Variants in AHCTF1 observed in about 807,000 individuals in gnomAD.
The protein encoded by AHCTF1 is AT-hook containing transcription factor 1.
Under a neutral mutation model 248.4 loss-of-function variants are expected in AHCTF1, and 24 were observed. The ratio of observed to expected loss-of-function variants is 0.10; its 90% CI spans 0.07 to 0.14. The LOEUF is 0.14. Ranked by LOEUF, AHCTF1 falls within the 10% of genes least tolerant of loss-of-function variation. The pLI, the probability that AHCTF1 is intolerant of heterozygous loss-of-function variation, is 1.00. For synonymous variants in AHCTF1, 786 were observed against 929.8 expected (o/e 0.85, Z 2.81); for missense variants, 2,206 against 2,636.2 (o/e 0.84, Z 3.57).
At chr1:246,925,740 T>G (rs7550911) in intron 1 of AHCTF1, among the ~76,000 whole-genome samples, 4,019 of 152,194 alleles carry the variant, frequency 0.026, 182 homozygotes, top group African/African-American at 0.093. Flanking sequence ...AGAGGACCCC[T>G]CATGAATGGG....
At chr1:246,853,067 A>C in intron 32 of AHCTF1, 24 bp downstream of exon 32, 1 of 1,566,500 alleles carries the variant, frequency 6.4e-7, no homozygotes, top group Non-Finnish European at 8.7e-7. Context: ...ACTGATAAAG[A>C]AGTAAAAAAT....
intron 1 of AHCTF1, among the ~76,000 whole-genome samples, chr1:246,929,108 G>T (rs1199704020): frequency 6.6e-6 from 1 of 152,114 alleles, no homozygotes; most frequent in African/African-American, 2.4e-5. Flanking sequence ...GGGATAAGGG[G>T]AAATAAAAGA....
chr1:246,895,334 G>A (rs1664496199), intron 13 of AHCTF1, among the ~76,000 whole-genome samples: 1 of 152,114 alleles, frequency 6.6e-6, no homozygotes, highest in Non-Finnish European at 1.5e-5. Flanking sequence ...GGCTACAAAA[G>A]CATGATGGCT....
Position 246,873,245 on chromosome 1 carries a change from G to C in AHCTF1, c.3088+2792C>G, listed in dbSNP as rs542940649. Among the ~76,000 whole-genome samples the C allele has an allele frequency of 2.6e-5, 4 of 152,188 alleles. No homozygotes were observed. In the South Asian group the frequency reaches 6.2e-4, roughly 24 times the overall value. On this transcript the variant is annotated intron_variant, in intron 24 of 35. Transcript: ENST00000648844. ...CTATACTCATTACTCTTCTGTAAAA[G>C]AAAAAAATCTTAACCGGTGATAAAT...
At chr1:246,851,576 T>TG (rs1221310191) in intron 32 of AHCTF1, 134 bp from the exon 33 acceptor site, 2 of 714,304 alleles carry the variant, frequency 2.8e-6, no homozygotes, top group African/African-American at 1.8e-5. Flanking sequence ...CATATACTTA[T>TG]GGGTTTACTT....
chr1:246,857,584 G>A, intron 30 of AHCTF1, 107 bp downstream of exon 30: 1 of 1,204,816 alleles, frequency 8.3e-7, no homozygotes. Context: ...AAATGGAGAT[G>A]TTAAAGATCT....
In AHCTF1 at chr1:246,849,714, T is replaced by C; in HGVS notation, c.6292A>G (p.Arg2098Gly). The change falls in exon 33 of 36, where the codon AGG becomes GGG. Residue 2098 changes from arginine to glycine, a missense_variant. Around this residue, in one of 6 missense-constraint regions of AHCTF1, gnomAD observed 469 missense variants for 470.0 expected, o/e 1.00. Transcript: ENST00000648844. ...AAGATGGCCTTGCTAGACCGAGTCC[T>C]GCTGCTGCGGGATGATTTAGTGAAG... ...ASFTKSSRSS[R>G]TRSSKAILLP... 1 of 1,614,014 alleles carries C rather than the reference T, an allele frequency of 6.2e-7. No individual in the cohort carries two copies. The highest frequency in any genetic ancestry group is 8.5e-7 in the Non-Finnish European group (1 of 1,179,874).
At chr1:246,888,363 T>G in intron 18 of AHCTF1, 31 bp downstream of exon 18, 1 of 1,612,908 alleles carries the variant, frequency 6.2e-7, no homozygotes, top group African/African-American at 1.3e-5. Context: ...CTTTGTAGAC[T>G]CTAAATGATA....
intron 4 of AHCTF1, among the ~76,000 whole-genome samples, chr1:246,908,699 A>G (rs1215288550): frequency 2.0e-5 from 3 of 150,334 alleles, no homozygotes; most frequent in Non-Finnish European, 3.0e-5. Flanking sequence ...CATCCTGGCT[A>G]ACACGGTGAA....
chr1:246,923,886 A>C (rs1386172239), intron 1 of AHCTF1, among the ~76,000 whole-genome samples: 1 of 152,226 alleles, frequency 6.6e-6, no homozygotes, highest in Non-Finnish European at 1.5e-5. Context: ...GGAAAACTCC[A>C]GGTCTGGAAG....
intron 24 of AHCTF1, among the ~76,000 whole-genome samples, chr1:246,869,633 G>A (rs559075160): frequency 1.3e-5 from 2 of 151,896 alleles, no homozygotes; most frequent in African/African-American, 2.4e-5. Context: ...TTCTATCAAT[G>A]GAAAAAGCCT....
chr1:246,849,099 A>G (rs1660503421), intron 33 of AHCTF1, among the ~76,000 whole-genome samples: 1 of 152,018 alleles, frequency 6.6e-6, no homozygotes, highest in Non-Finnish European at 1.5e-5. Flanking sequence ...AACCAAATAC[A>G]GTCCTTAGCT....
chr1:246,903,916 G>C, intron 7 of AHCTF1, 33 bp downstream of exon 7: 1 of 1,428,440 alleles, frequency 7.0e-7, no homozygotes, highest in Non-Finnish European at 9.8e-7. Flanking sequence ...CAACAAAATG[G>C]TAATATAAAC....
chr1:246,871,794 C>T (rs1176858822), intron 24 of AHCTF1, among the ~76,000 whole-genome samples: 1 of 151,872 alleles, frequency 6.6e-6, no homozygotes, highest in East Asian at 1.9e-4. Flanking sequence ...AGCAGTATAG[C>T]TACCTAAAAG....
At chr1:246,927,853 A>G (rs995442870) in intron 1 of AHCTF1, among the ~76,000 whole-genome samples, 3 of 146,670 alleles carry the variant, frequency 2.0e-5, no homozygotes, top group African/African-American at 7.6e-5. Context: ...AAATACAAAA[A>G]TTAGCTGGGC....
chr1:246,893,388 G>T (rs1391604639), intron 14 of AHCTF1, among the ~76,000 whole-genome samples: 1 of 152,168 alleles, frequency 6.6e-6, no homozygotes, highest in Non-Finnish European at 1.5e-5. Flanking sequence ...ATTGTGAAAA[G>T]CTATCTATAG....
intron 1 of AHCTF1, among the ~76,000 whole-genome samples, chr1:246,925,210 C>A (rs1328194288): frequency 2.6e-5 from 4 of 152,138 alleles, no homozygotes; most frequent in African/African-American, 7.2e-5. Flanking sequence ...AAAGTGTATT[C>A]AGAAGAGTGC....
At chr1:246,922,762 C>T (rs1219208983) in intron 1 of AHCTF1, among the ~76,000 whole-genome samples, 1 of 151,180 alleles carries the variant, frequency 6.6e-6, no homozygotes, top group African/African-American at 2.4e-5. Context: ...GAGGGCGGAT[C>T]ACGAGGTCAG....
chr1:246,881,848 AC>A (rs1325201824), intron 21 of AHCTF1, among the ~76,000 whole-genome samples: 7 of 134,066 alleles, frequency 5.2e-5, no homozygotes, highest in African/African-American at 8.6e-5. Context: ...AAAAAAAAAA[AC>A]CAAAAAAAAA....
Sources: allele counts gnomAD v4.1 joint callset (sites outside exome capture counted in the v4.1 genomes callset), GRCh38; gene constraint gnomAD v4.1.1; regional missense constraint gnomAD v4.1.1; transcripts MANE v1.5; gene names NCBI Gene and HGNC (gene_info 2026-07-23, HGNC 2026-07-21).